Variants in DDHD2 observed in about 807,000 individuals in gnomAD.
DDHD2 encodes the protein triacylglycerol hydrolase DDHD2.
A neutral mutation model predicts 91.2 loss-of-function variants in DDHD2; 62 were observed. That is an observed-to-expected ratio of 0.68 (90% CI 0.55 to 0.84). The LOEUF is 0.84. Among genes scored for constraint, DDHD2 ranks in the 40% least tolerant of loss-of-function variants. DDHD2 has a pLI of 0.00. For synonymous variants in DDHD2, 271 were observed against 293.9 expected, an observed-to-expected ratio of 0.92 and a Z score of 0.80; for missense variants, 740 against 846.9, an observed-to-expected ratio of 0.87 and a Z score of 1.57.
intron 3 of DDHD2, among the ~76,000 whole-genome samples, chr8:38,235,870 C>CGT (rs1333704536): frequency 2.2e-5 from 2 of 92,472 alleles, no homozygotes; most frequent in South Asian, 5.5e-4. Context: ...AAAAAGTACA[C>CGT]GCGCACACAC....
intron 1 of DDHD2, among the ~76,000 whole-genome samples, 191 bp from the exon 2 acceptor site, chr8:38,232,796 T>C (rs953164502): frequency 6.6e-6 from 1 of 152,278 alleles, no homozygotes; most frequent in African/African-American, 2.4e-5. Context: ...GTTGATCTAA[T>C]AGAAGCATTT....
downstream of DDHD2, chr8:38,273,362 A>C (rs1808531445): frequency 6.6e-6 from 1 of 152,082 alleles, no homozygotes; most frequent in Non-Finnish European, 1.5e-5. Flanking sequence ...ATTTTTTTTT[A>C]ATTTCAGCAG....
rs1221188050 is a variant in DDHD2 at position 38,242,030 on chromosome 8, G to T, written c.713-220G>T. On this transcript the variant is annotated intron_variant, in intron 6 of 17. Coordinates refer to ENST00000397166, the MANE Select transcript of DDHD2 (RefSeq NM_015214.3). ...GATCTCGCCACTGCACCCCAGCTTG[G>T]GTTACAGAGCAGTACTCCATCTCAA... The T allele has an allele frequency of 1.2e-5, 5 of 414,492 alleles. No individual in the cohort carries two copies. The Admixed American group carries it at 1.4e-4, about 12-fold the overall frequency. The allele number at this position is 414,492 out of a possible 1,614,324, so 25.7% of individuals were successfully genotyped here. A position where few individuals can be genotyped will look rare whatever the true frequency, so the allele number is the denominator to read the frequency against.
intron 10 of DDHD2, among the ~76,000 whole-genome samples, chr8:38,248,673 G>A (rs1379302904): frequency 1.3e-5 from 2 of 151,990 alleles, no homozygotes; most frequent in East Asian, 1.9e-4. Context: ...CTGGCTGGGT[G>A]TGGTGGCTCA....
At chr8:38,264,136 A>G, downstream of DDHD2, 1 of 1,026,562 alleles carries the variant, frequency 9.7e-7, no homozygotes, top group Non-Finnish European at 1.2e-6. Flanking sequence ...CCTGTTCTCT[A>G]TTGAGATAGA....
At chr8:38,233,440 A>G (rs1200691148) in intron 2 of DDHD2, among the ~76,000 whole-genome samples, 1 of 152,076 alleles carries the variant, frequency 6.6e-6, no homozygotes, top group Non-Finnish European at 1.5e-5. Flanking sequence ...ATTTCTGCAT[A>G]GTTACCCAAT....
intron 14 of DDHD2, 47 bp downstream of exon 14, chr8:38,252,871 G>A: frequency 6.2e-7 from 1 of 1,606,274 alleles, no homozygotes; most frequent in Non-Finnish European, 8.5e-7. Flanking sequence ...TTTGGCCAGT[G>A]CAAAGGGCAT....
At chr8:38,258,341 C>T (rs1806706831) in intron 16 of DDHD2, among the ~76,000 whole-genome samples, 1 of 151,722 alleles carries the variant, frequency 6.6e-6, no homozygotes, top group Non-Finnish European at 1.5e-5. Context: ...CAACCTACGC[C>T]ATCTGGGTTC....
At chr8:38,251,596 A>C (rs549970419) in intron 11 of DDHD2, 1 of 227,230 alleles carries the variant, frequency 4.4e-6, no homozygotes, top group African/African-American at 2.3e-5. Context: ...TAAGAATGTC[A>C]ATTAACAATT....
chr8:38,269,119 T>A (rs931157068), intron 1 of DDHD2: 3 of 1,524,482 alleles, frequency 2.0e-6, no homozygotes, highest in Non-Finnish European at 2.6e-6. Flanking sequence ...CCGTGGATCT[T>A]TCTTACAGGA....
At chr8:38,254,956 A>G (rs1806394998) in intron 16 of DDHD2, among the ~76,000 whole-genome samples, 1 of 152,132 alleles carries the variant, frequency 6.6e-6, no homozygotes. Flanking sequence ...AGTAAGGGAA[A>G]TAAGATGGGT....
chr8:38,269,530 C>CCAAA (rs766212318), intron 1 of DDHD2, among the ~76,000 whole-genome samples: 2 of 152,236 alleles, frequency 1.3e-5, no homozygotes, highest in African/African-American at 2.4e-5. Context: ...AAATGGAAAA[C>CCAAA]CAAACAGCCC....
chr8:38,252,977 A>C lies in DDHD2; in HGVS notation c.1741A>C (p.Arg581=). 2 of 1,614,074 alleles carry C rather than the reference A, an allele frequency of 1.2e-6. No homozygotes were observed. The highest frequency in any genetic ancestry group is 1.7e-6 in the Non-Finnish European group (2 of 1,179,980). The change falls in exon 15 of 18, where the codon AGG becomes CGG. Residue 581 remains arginine, a synonymous_variant. Coordinates refer to ENST00000397166, the MANE Select transcript of DDHD2 (RefSeq NM_015214.3). ...TTCAGAACTGAGAGAGGGCTTGACC[A>C]GGATGAGTATGGACCTTAAGAACAA... The part of the protein sequence containing the change: ...MHLELREGLT[R]MSMDLKNNLL...
Position 38,253,554 on chromosome 8 carries a change from A to C in DDHD2, c.1892-2A>C. The C allele has an allele frequency of 6.2e-7, 1 of 1,611,106 alleles. No individual in the cohort carries two copies. The highest frequency in any genetic ancestry group is 1.1e-5 in the South Asian group (1 of 90,490). The stretch of plus-strand genomic sequence containing the variant: ...TTCTTATTATGGTTCTTCCATATCC[A>C]GATGTTAACACAGAAGAGACCTCTG... On this transcript the variant is annotated splice_acceptor_variant, in intron 15 of 17. Coordinates refer to ENST00000397166, the MANE Select transcript of DDHD2 (RefSeq NM_015214.3). LOFTEE classifies it high-confidence loss of function.
chr8:38,233,104 A>G lies in DDHD2; in HGVS notation c.110A>G (p.Tyr37Cys). The change falls in exon 2 of 18, where the codon TAT (tyrosine) becomes TGT (cysteine). Residue 37 changes from tyrosine (Y) to cysteine (C), a missense_variant. This residue lies in a region of DDHD2 where 693 missense variants were observed against 764.2 expected (regional missense o/e 0.91). Coordinates refer to ENST00000397166, the MANE Select transcript of DDHD2 (RefSeq NM_015214.3). Reference sequence around the variant, plus strand: ...ATAGACATGGATGCTGGCAGCTTGTATGAACCAGTTTCTCCCCATTGGTTT... The same window carrying G: ...ATAGACATGGATGCTGGCAGCTTGTGTGAACCAGTTTCTCCCCATTGGTTT... ...ELIDMDAGSL[Y>C]EPVSPHWFYC... 1 of 1,614,172 alleles carries G rather than the reference A, an allele frequency of 6.2e-7. No homozygotes were observed. The highest frequency in any genetic ancestry group is 2.2e-5 in the East Asian group (1 of 44,888).
chr8:38,243,641 G>T (rs16887277), intron 7 of DDHD2, among the ~76,000 whole-genome samples: 29,276 of 151,428 alleles, frequency 0.19, 3,220 homozygotes, highest in East Asian at 0.31. Flanking sequence ...AATTTCATCT[G>T]TAAATGTTTC....
downstream of DDHD2, chr8:38,266,508 C>G: frequency 1.9e-6 from 1 of 526,652 alleles, no homozygotes; most frequent in Non-Finnish European, 3.4e-6. Flanking sequence ...TCAAGCGATT[C>G]TCCTGCCTTA....
Position 38,234,599 on chromosome 8 carries a change from C to CT in DDHD2, c.411+22dup. The CT allele has an allele frequency of 2.6e-6, 4 of 1,548,174 alleles. No homozygotes were observed. Among genetic ancestry groups the CT allele is most frequent in the South Asian group, 1.2e-5 (1 of 81,622 alleles). On this transcript the variant is annotated intron_variant, in intron 3 of 17. Coordinates refer to ENST00000397166, the MANE Select transcript of DDHD2 (RefSeq NM_015214.3). Reference sequence around the variant, plus strand: ...AAGTTTTAGAGGTATTCTTTTGACTCTTTTTTTACTTATTCTTTCTTTCTC... The same window carrying CT: ...AAGTTTTAGAGGTATTCTTTTGACTCTTTTTTTTACTTATTCTTTCTTTCTC...
intron 1 of DDHD2, chr8:38,268,023 G>T (rs1177705487): frequency 1.2e-6 from 2 of 1,612,154 alleles, no homozygotes; most frequent in Non-Finnish European, 1.7e-6. Flanking sequence ...TCATGGCCTC[G>T]TTATGAGAGC....
Sources: allele counts gnomAD v4.1 joint callset (sites outside exome capture counted in the v4.1 genomes callset), GRCh38; gene constraint gnomAD v4.1.1; regional missense constraint gnomAD v4.1.1; transcripts MANE v1.5; gene names NCBI Gene and HGNC (gene_info 2026-07-23, HGNC 2026-07-21).